SLC9A9: variants seen among roughly 807,000 people sequenced by gnomAD.
SLC9A9 encodes the protein sodium/hydrogen exchanger 9.
A neutral mutation model predicts 77.8 loss-of-function variants in SLC9A9; 62 were observed. That is an observed-to-expected ratio of 0.80 (90% CI 0.65 to 0.98). The LOEUF is 0.98. Among genes scored for constraint, SLC9A9 ranks in the 50% least tolerant of loss-of-function variants. The probability of loss-of-function intolerance (pLI) is 0.00; values close to 1 mark genes in which losing one functional copy is unlikely to be tolerated. For missense variants in SLC9A9, 775 were observed against 774.9 expected, an observed-to-expected ratio of 1.00 and a Z score of 0.00; for synonymous variants, 320 against 283.5, an observed-to-expected ratio of 1.13 and a Z score of -1.29.
chr3:143,357,104 C>A (rs1314736167), intron 14 of SLC9A9, among the ~76,000 whole-genome samples: 1 of 152,062 alleles, frequency 6.6e-6, no homozygotes, highest in Admixed American at 6.5e-5. Context: ...TTAGGGAGAG[C>A]CTTTAGGAAG....
intron 12 of SLC9A9, among the ~76,000 whole-genome samples, chr3:143,399,781 T>C (rs1332175648): frequency 6.6e-6 from 1 of 152,176 alleles, no homozygotes; most frequent in Non-Finnish European, 1.5e-5. Context: ...ACTGATATTT[T>C]TCCTGACACC....
chr3:143,429,455 G>A (rs893018149), intron 12 of SLC9A9, among the ~76,000 whole-genome samples: 1 of 152,228 alleles, frequency 6.6e-6, no homozygotes, highest in Admixed American at 6.5e-5. Context: ...GGAGAAGGTA[G>A]AACAGATAAA....
chr3:143,838,190 A>G (rs756728314), intron 1 of SLC9A9, among the ~76,000 whole-genome samples: 7 of 152,188 alleles, frequency 4.6e-5, no homozygotes, highest in Non-Finnish European at 8.8e-5. Flanking sequence ...AAGACCAACT[A>G]ACCCCACTCC....
chr3:143,723,713 G>T (rs1330223509), intron 4 of SLC9A9, among the ~76,000 whole-genome samples: 1 of 152,134 alleles, frequency 6.6e-6, no homozygotes, highest in African/African-American at 2.4e-5. Flanking sequence ...GAAGGAGCAT[G>T]GTCAGGGGAC....
chr3:143,318,862 T>G (rs1034609113), intron 14 of SLC9A9, among the ~76,000 whole-genome samples: 1 of 152,142 alleles, frequency 6.6e-6, no homozygotes, highest in African/African-American at 2.4e-5. Flanking sequence ...ACTGAAGATC[T>G]CTTGGGAGAG....
Position 143,848,099 on chromosome 3 carries a change from T to TA in SLC9A9, c.175+48dup, listed in dbSNP as rs560493816. On this transcript the variant is annotated intron_variant, in intron 1 of 15. Transcript: ENST00000316549. ...TGCTATCTGAGCACAAGTCTCTAAT[T>TA]ACGCTCAAGCAACAAGTTTCACATC... 4.7e-4 allele frequency: 731 copies of TA among 1,554,736 alleles called. 6 individuals are homozygous for TA. The African/African-American group carries it at 8.8e-3, about 19-fold the overall frequency.
chr3:143,305,072 C>G (rs1426207861), intron 14 of SLC9A9, among the ~76,000 whole-genome samples: 1 of 152,158 alleles, frequency 6.6e-6, no homozygotes, highest in East Asian at 1.9e-4. Flanking sequence ...TCCCTTCCAT[C>G]TACTAAGGGA....
At chr3:143,321,529 G>T (rs1348757747) in intron 14 of SLC9A9, among the ~76,000 whole-genome samples, 3 of 152,132 alleles carry the variant, frequency 2.0e-5, no homozygotes, top group Non-Finnish European at 4.4e-5. Flanking sequence ...CTCTTCATTG[G>T]CTGCCTTTCA....
At chr3:143,352,192 G>A (rs1559879266) in intron 14 of SLC9A9, among the ~76,000 whole-genome samples, 1 of 152,208 alleles carries the variant, frequency 6.6e-6, no homozygotes, top group Non-Finnish European at 1.5e-5. Flanking sequence ...ACGGCAAAGG[G>A]CTTGGCACCT....
chr3:143,544,393 AT>A (rs1277217612), intron 9 of SLC9A9, among the ~76,000 whole-genome samples: 1 of 151,642 alleles, frequency 6.6e-6, no homozygotes, highest in African/African-American at 2.4e-5. Context: ...CGCTCGGCTA[AT>A]TTTTTTGTAT....
intron 14 of SLC9A9, among the ~76,000 whole-genome samples, chr3:143,282,020 A>G (rs533518015): frequency 1.2e-4 from 18 of 152,284 alleles, no homozygotes; most frequent in African/African-American, 3.4e-4. Flanking sequence ...CTCCATTTGG[A>G]CAGCTTTTCC....
At chr3:143,626,936 G>A (rs2038340864) in intron 6 of SLC9A9, 1 of 151,144 alleles carries the variant, frequency 6.6e-6, no homozygotes, top group Non-Finnish European at 1.5e-5. Context: ...GCAGTGGCAT[G>A]ATCTCGTCTC....
intron 6 of SLC9A9, 40 bp downstream of exon 6, chr3:143,652,215 C>A: frequency 6.8e-7 from 1 of 1,474,830 alleles, no homozygotes; most frequent in Non-Finnish European, 9.4e-7. Flanking sequence ...AAGCATATTT[C>A]ACATGATTAA....
At chr3:143,372,845 T>A (rs915260906) in intron 13 of SLC9A9, among the ~76,000 whole-genome samples, 8 of 151,854 alleles carry the variant, frequency 5.3e-5, no homozygotes, top group Admixed American at 2.6e-4. Flanking sequence ...GGCAAAAAAA[T>A]GTGGAAAAAT....
intron 14 of SLC9A9, among the ~76,000 whole-genome samples, chr3:143,300,847 C>T (rs2030488005): frequency 6.6e-6 from 1 of 152,196 alleles, no homozygotes; most frequent in Admixed American, 6.5e-5. Context: ...GTTCCAGAAG[C>T]TGGAAGTAAT....
chr3:143,693,421 C>T (rs1933538001), intron 4 of SLC9A9, 114 bp from the exon 5 acceptor site: 1 of 843,934 alleles, frequency 1.2e-6, no homozygotes, highest in South Asian at 1.4e-5. Flanking sequence ...CACAAATTGC[C>T]ACCATCCTGC....
intron 4 of SLC9A9, among the ~76,000 whole-genome samples, chr3:143,747,335 T>TG (rs1935217629): frequency 7.7e-6 from 1 of 130,432 alleles, no homozygotes; most frequent in African/African-American, 3.0e-5. Context: ...TACTGGAAGG[T>TG]GGGGGTTGCA....
At chr3:143,559,675 A>T (rs559214736) in intron 8 of SLC9A9, among the ~76,000 whole-genome samples, 1 of 152,336 alleles carries the variant, frequency 6.6e-6, no homozygotes, top group Non-Finnish European at 1.5e-5. Context: ...TAGGCTTTCA[A>T]AATTGTTTCA....
At chr3:143,283,101 C>G (rs1009450532) in intron 14 of SLC9A9, among the ~76,000 whole-genome samples, 10 of 152,196 alleles carry the variant, frequency 6.6e-5, no homozygotes, top group African/African-American at 1.9e-4. Flanking sequence ...ATGCTTAATG[C>G]CCAGTAGGCA....
Sources: gnomAD v4.1 joint callset for allele counts (sites outside exome capture counted in the v4.1 genomes callset) on GRCh38, gnomAD v4.1.1 for gene constraint, MANE v1.5 for transcripts, NCBI Gene and HGNC (gene_info 2026-07-23, HGNC 2026-07-21) for gene names.